Variants in MEGF11 observed in about 807,000 individuals in gnomAD.
The protein encoded by MEGF11 is multiple EGF like domains 11, also known as multiple epidermal growth factor-like domains protein 11.
MEGF11 carries 126 observed loss-of-function variants against 146.6 expected under a neutral mutation model. The observed-to-expected ratio is 0.86, with a 90% CI of 0.74 to 1.00. The LOEUF (loss-of-function observed/expected upper bound fraction) is 1.00. MEGF11 is among the 50% of genes least tolerant of loss of function. The pLI is 0.00. For missense variants in MEGF11, 1,509 were observed against 1,521.2 expected, an observed-to-expected ratio of 0.99 and a Z score of 0.13; for synonymous variants, 532 against 583.4, an observed-to-expected ratio of 0.91 and a Z score of 1.27.
intron 1 of MEGF11, among the ~76,000 whole-genome samples, chr15:66,170,616 G>A (rs1275199500): frequency 6.6e-6 from 1 of 152,174 alleles, no homozygotes; most frequent in African/African-American, 2.4e-5. Flanking sequence ...TTTTTTGAAA[G>A]GAACCAGTAG....
rs2081017606 is a variant in MEGF11 at position 65,965,121 on chromosome 15, C to T, written c.900-1G>A. On this transcript the variant is annotated splice_acceptor_variant, in intron 8 of 25. Transcript: ENST00000395614. LOFTEE classifies it high-confidence loss of function. ...CCCGAAGGGGCACTCCTCTTGGCAC[C>T]TGTGGGAGAGCAGAGTGGGGCTGAG... 2 of 1,583,072 alleles carry T rather than the reference C, an allele frequency of 1.3e-6. No individual in the cohort carries two copies. Among genetic ancestry groups the T allele is most frequent in the Non-Finnish European group, 1.7e-6 (2 of 1,160,988 alleles).
intron 5 of MEGF11, among the ~76,000 whole-genome samples, chr15:66,009,524 G>T (rs1339022314): frequency 6.6e-6 from 1 of 151,886 alleles, no homozygotes; most frequent in Non-Finnish European, 1.5e-5. Flanking sequence ...TGTAGGGGTG[G>T]GTATTTCAAA....
At chr15:66,077,961 C>A (rs1385421295) in intron 5 of MEGF11, among the ~76,000 whole-genome samples, 3 of 152,164 alleles carry the variant, frequency 2.0e-5, no homozygotes, top group African/African-American at 7.2e-5. Context: ...GAGCACTTCC[C>A]GGCAGGCAAT....
chr15:66,248,897 T>A (rs2092333695), intron 1 of MEGF11, among the ~76,000 whole-genome samples: 1 of 152,240 alleles, frequency 6.6e-6, no homozygotes, highest in Non-Finnish European at 1.5e-5. Context: ...TATAAAAACA[T>A]GGATTTTTGC....
chr15:66,052,794 T>C (rs1432961724), intron 5 of MEGF11, among the ~76,000 whole-genome samples: 1 of 152,208 alleles, frequency 6.6e-6, no homozygotes, highest in Non-Finnish European at 1.5e-5. Flanking sequence ...TAGAAGGTTC[T>C]CAACTCTGGC....
At chr15:65,948,375 GCTGTTTTACAGTGTTACAC>G (rs1410640718) in intron 10 of MEGF11, among the ~76,000 whole-genome samples, 2 of 151,982 alleles carry the variant, frequency 1.3e-5, no homozygotes, top group Admixed American at 6.6e-5. Context: ...CCATTATGAA[GCTGTTTTACAGTGTTACAC>G]CTGTTTTACA....
intron 5 of MEGF11, among the ~76,000 whole-genome samples, chr15:66,014,966 G>GA (rs11350229): frequency 2.6e-5 from 4 of 151,038 alleles, no homozygotes; most frequent in African/African-American, 9.8e-5. Context: ...AGCTCTAGAG[G>GA]AAAAAAAAAA....
At chr15:66,028,623 C>T (rs1158896305) in intron 5 of MEGF11, among the ~76,000 whole-genome samples, 1 of 152,140 alleles carries the variant, frequency 6.6e-6, no homozygotes, top group Non-Finnish European at 1.5e-5. Context: ...ATTACAATGG[C>T]CCCAAATGGA....
intron 5 of MEGF11, among the ~76,000 whole-genome samples, chr15:66,019,066 C>T (rs1216873586): frequency 6.6e-6 from 1 of 152,212 alleles, no homozygotes; most frequent in Non-Finnish European, 1.5e-5. Flanking sequence ...CTCTCCCTGT[C>T]TCCACACGTC....
intron 1 of MEGF11, among the ~76,000 whole-genome samples, chr15:66,195,285 T>G (rs1015165691): frequency 6.6e-6 from 1 of 152,214 alleles, no homozygotes; most frequent in African/African-American, 2.4e-5. Context: ...TATTGGGGAT[T>G]AGGACTTCAA....
At chr15:65,961,206 A>G (rs2080846394) in intron 9 of MEGF11, among the ~76,000 whole-genome samples, 1 of 152,098 alleles carries the variant, frequency 6.6e-6, no homozygotes, top group Non-Finnish European at 1.5e-5. Flanking sequence ...CTTGAGTCAC[A>G]TGGCAGGCCA....
chr15:66,109,509 T>C (rs544980791), intron 4 of MEGF11, among the ~76,000 whole-genome samples: 1 of 152,298 alleles, frequency 6.6e-6, no homozygotes, highest in African/African-American at 2.4e-5. Context: ...TAGCAACTCA[T>C]TGAATCTTCA....
intron 5 of MEGF11, among the ~76,000 whole-genome samples, chr15:66,082,807 C>T (rs2085948589): frequency 6.6e-6 from 1 of 152,116 alleles, no homozygotes; most frequent in African/African-American, 2.4e-5. Context: ...TCCCGCCTCC[C>T]TCCACCTCTC....
chr15:66,246,019 G>T (rs2092291820), intron 1 of MEGF11, among the ~76,000 whole-genome samples: 1 of 151,904 alleles, frequency 6.6e-6, no homozygotes. Context: ...CCAGCACTTT[G>T]GGAGGCCGAG....
chr15:66,183,505 C>T (rs936048429), intron 1 of MEGF11, among the ~76,000 whole-genome samples: 2 of 145,970 alleles, frequency 1.4e-5, no homozygotes, highest in East Asian at 4.1e-4. Context: ...ATCCTGCCAC[C>T]AACACCCCGT....
At chr15:66,050,820 C>T (rs1319768513) in intron 5 of MEGF11, among the ~76,000 whole-genome samples, 3 of 152,202 alleles carry the variant, frequency 2.0e-5, no homozygotes, top group Non-Finnish European at 4.4e-5. Context: ...ACACATAATC[C>T]CATATGTGCC....
chr15:66,143,283 A>C (rs2089237321), intron 1 of MEGF11, among the ~76,000 whole-genome samples: 1 of 152,158 alleles, frequency 6.6e-6, no homozygotes, highest in African/African-American at 2.4e-5. Flanking sequence ...ATCCCACTCC[A>C]CCATGCTCCC....
At chr15:65,925,267 G>A (rs1175544066) in intron 13 of MEGF11, among the ~76,000 whole-genome samples, 1 of 152,176 alleles carries the variant, frequency 6.6e-6, no homozygotes, top group African/African-American at 2.4e-5. Flanking sequence ...ATGTCAAAAG[G>A]GGTCCTCATT....
intron 4 of MEGF11, among the ~76,000 whole-genome samples, chr15:66,100,346 G>A (rs1014144471): frequency 6.6e-6 from 1 of 152,090 alleles, no homozygotes; most frequent in East Asian, 1.9e-4. Flanking sequence ...CTGGAGTGCC[G>A]CAGGGAGAAT....
Sources: allele counts gnomAD v4.1 joint callset (sites outside exome capture counted in the v4.1 genomes callset), GRCh38; gene constraint gnomAD v4.1.1; transcripts MANE v1.5; gene names NCBI Gene and HGNC (gene_info 2026-07-23, HGNC 2026-07-21).